The following POLQ variants were observed in gnomAD, a reference collection of about 807,000 sequenced individuals.
POLQ encodes the protein DNA polymerase theta.
POLQ carries 233 observed loss-of-function variants against 259.2 expected under a neutral mutation model. The ratio of observed to expected loss-of-function variants is 0.90; its 90% CI spans 0.81 to 1.00. The LOEUF (loss-of-function observed/expected upper bound fraction) is 1.00, where lower values mean the gene tolerates loss of function less well. POLQ is among the 50% of genes least tolerant of loss of function. The probability of loss-of-function intolerance (pLI) is 0.00; values close to 1 mark genes in which losing one functional copy is unlikely to be tolerated. For synonymous variants in POLQ, 1,025 were observed against 1,048.8 expected (o/e 0.98, Z 0.44); for missense variants, 2,871 against 3,051.6 (o/e 0.94, Z 1.39).
At position 121,487,523 on chromosome 3, in the gene POLQ, C is replaced by T. The variant is rs192758267; in HGVS notation, c.5408G>A (p.Ser1803Asn). 5.5e-5 allele frequency: 89 copies of T among 1,614,052 alleles called. No individual in the cohort carries two copies. The highest frequency in any genetic ancestry group is 4.7e-4 in the Admixed American group (28 of 60,012). The change falls in exon 16 of 30, where the codon AGC (serine) becomes AAC (asparagine). Residue 1803 changes from serine (S) to asparagine (N), a missense_variant. Coordinates refer to ENST00000264233, the MANE Select transcript of POLQ (RefSeq NM_199420.4). The stretch of plus-strand genomic sequence containing the variant: ...ATCCTGTGATAACTGAAGTGAAAAG[C>T]TTGTGTCACTAATAGGGCTGTTGTC... The part of the protein sequence containing the change: ...FKDNSPISDT[S>N]FSLQLSQDGL...
rs745872649 is a variant in POLQ at position 121,545,948 on chromosome 3, T to G, written c.-71A>C. Reference sequence around the variant, plus strand: ...CCTCCCTCTCGGGAGAACCCTGGCCTGGCAACAGCTGCGGACATCTTCCCG... The same window carrying G: ...CCTCCCTCTCGGGAGAACCCTGGCCGGGCAACAGCTGCGGACATCTTCCCG... On this transcript the variant is annotated 5_prime_UTR_variant, in exon 1 of 30. Coordinates refer to ENST00000264233, the MANE Select transcript of POLQ (RefSeq NM_199420.4). 6.5e-7 allele frequency: 1 copy of G among 1,536,968 alleles called. No individual in the cohort carries two copies. Among genetic ancestry groups the G allele is most frequent in the Non-Finnish European group, 8.9e-7 (1 of 1,127,150 alleles).
rs935594013 is a variant in POLQ, at chr3:121,499,615, C to T, written c.1960-945G>A. ...TCAATATTCTAACTGTAGGTACAAT[C>T]TTAAGTATTCTGAGTAATTTTCAAG... On this transcript the variant is annotated intron_variant, in intron 12 of 29. Transcript: ENST00000264233. 1.3e-5 allele frequency among the ~76,000 whole-genome samples: 2 copies of T among 152,094 alleles called. 1 individual carries two copies. Among genetic ancestry groups the T allele is most frequent in the South Asian group, 4.2e-4 (2 of 4,812 alleles).
chr3:121,447,258 C>A (rs904657489), intron 26 of POLQ, among the ~76,000 whole-genome samples: 2 of 151,036 alleles, frequency 1.3e-5, no homozygotes, highest in African/African-American at 4.9e-5. Context: ...GCAACCTCCG[C>A]CTCCTGGGTT....
At chr3:121,497,424 A>G (rs1482034132) in intron 13 of POLQ, among the ~76,000 whole-genome samples, 2 of 152,148 alleles carry the variant, frequency 1.3e-5, no homozygotes, top group Non-Finnish European at 2.9e-5. Context: ...TTTTTTAAGA[A>G]AAATCATTTC....
intron 27 of POLQ, among the ~76,000 whole-genome samples, chr3:121,439,248 A>T (rs1399079560): frequency 1.3e-5 from 2 of 150,760 alleles, no homozygotes; most frequent in Non-Finnish European, 3.0e-5. Context: ...TTTTTTAATT[A>T]AACATAGGGT....
At position 121,436,806 on chromosome 3, in the gene POLQ, C is replaced by T. The variant is rs116112176; in HGVS notation, c.7390-531G>A. 3.2e-3 allele frequency among the ~76,000 whole-genome samples: 480 copies of T among 151,528 alleles called. 8 individuals are homozygous for T. The highest frequency in any genetic ancestry group is 0.011 in the African/African-American group (454 of 41,252). On this transcript the variant is annotated intron_variant, in intron 27 of 29. Transcript: ENST00000264233. Reference sequence around the variant, plus strand: ...TGGGCTGCTGAGGCAAATCCTTAGCCGCTAGTGAAAACGCACATCCTAGAT... The same window carrying T: ...TGGGCTGCTGAGGCAAATCCTTAGCTGCTAGTGAAAACGCACATCCTAGAT...
chr3:121,518,497 A>C (rs1316228698), intron 9 of POLQ, among the ~76,000 whole-genome samples: 2 of 152,232 alleles, frequency 1.3e-5, no homozygotes, highest in Non-Finnish European at 1.5e-5. Context: ...AGATCTGCAT[A>C]TGTCCACAAA....
chr3:121,451,800 T>C (rs1037879233), intron 25 of POLQ, among the ~76,000 whole-genome samples: 1 of 152,222 alleles, frequency 6.6e-6, no homozygotes, highest in East Asian at 1.9e-4. Context: ...GGAGAACCAC[T>C]ACTCTCTTCA....
At chr3:121,470,074 G>A (rs2047871101) in intron 22 of POLQ, among the ~76,000 whole-genome samples, 1 of 152,114 alleles carries the variant, frequency 6.6e-6, no homozygotes, top group African/African-American at 2.4e-5. Flanking sequence ...GGAGGCTGAG[G>A]TGGGTGGATC....
At chr3:121,433,303 A>G (rs1287707366) in intron 28 of POLQ, among the ~76,000 whole-genome samples, 1 of 152,162 alleles carries the variant, frequency 6.6e-6, no homozygotes, top group Non-Finnish European at 1.5e-5. Context: ...AGTCCAACTT[A>G]TTTCTCATGA....
rs746567285 is a variant in POLQ at position 121,476,526 on chromosome 3, C to T, written c.6405+14G>A. 1 of 1,592,942 alleles carries T rather than the reference C, an allele frequency of 6.3e-7. No homozygotes were observed. Among genetic ancestry groups the T allele is most frequent in the South Asian group, 1.1e-5 (1 of 89,816 alleles). On this transcript the variant is annotated intron_variant, in intron 20 of 29. Transcript: ENST00000264233. ...AAAAATTATGTATCTATATCCCTAGCCCCATGATACAACCTCAGCGATGTC... is the reference window on the plus strand; with the variant it reads ...AAAAATTATGTATCTATATCCCTAGTCCCATGATACAACCTCAGCGATGTC...
intron 2 of POLQ, among the ~76,000 whole-genome samples, chr3:121,543,298 T>C (rs2048503658): frequency 6.6e-6 from 1 of 152,214 alleles, no homozygotes; most frequent in African/African-American, 2.4e-5. Context: ...AGTATTTTAT[T>C]TTTTGTAATG....
chr3:121,535,715 C>CAAAAAAA (rs34317903), intron 5 of POLQ, among the ~76,000 whole-genome samples: 1 of 107,408 alleles, frequency 9.3e-6, no homozygotes, highest in Non-Finnish European at 1.8e-5. Flanking sequence ...AACTCCATCT[C>CAAAAAAA]AAAAAAAAAA....
chr3:121,545,958 T>A lies in POLQ; in HGVS notation c.-81A>T, dbSNP rs749048338. The A allele has an allele frequency of 6.7e-7, 1 of 1,486,486 alleles. No homozygotes were observed. The highest frequency in any genetic ancestry group is 9.2e-7 in the Non-Finnish European group (1 of 1,089,062). 92.1% of individuals were successfully genotyped at this position (1,486,486 alleles called of 1,614,324 possible). ...GGGAGAACCCTGGCCTGGCAACAGC[T>A]GCGGACATCTTCCCGCCAGTCTTCA... On this transcript the variant is annotated 5_prime_UTR_variant, in exon 1 of 30. Coordinates refer to ENST00000264233, the MANE Select transcript of POLQ (RefSeq NM_199420.4).
chr3:121,526,713 T>C (rs1465013276), intron 7 of POLQ, among the ~76,000 whole-genome samples: 1 of 152,196 alleles, frequency 6.6e-6, no homozygotes, highest in Admixed American at 6.5e-5. Flanking sequence ...AATCCACATA[T>C]AAACCTCTTT....
At chr3:121,541,235 C>G in intron 3 of POLQ, 114 bp downstream of exon 3, 1 of 926,024 alleles carries the variant, frequency 1.1e-6, no homozygotes. Context: ...CTACATAGGG[C>G]ACAATGAAGA....
At chr3:121,448,007 T>C (rs1204446293) in intron 26 of POLQ, among the ~76,000 whole-genome samples, 1 of 152,092 alleles carries the variant, frequency 6.6e-6, no homozygotes, top group Non-Finnish European at 1.5e-5. Context: ...GCAGTCTTCT[T>C]TGGGTTAAAT....
intron 8 of POLQ, among the ~76,000 whole-genome samples, chr3:121,521,184 T>C (rs1259237144): frequency 6.6e-6 from 1 of 152,180 alleles, no homozygotes; most frequent in East Asian, 1.9e-4. Context: ...ACTCATAAGT[T>C]TTAAATTGCA....
chr3:121,520,124 G>A (rs769913402), intron 8 of POLQ, 41 bp from the exon 9 acceptor site: 29 of 1,131,572 alleles, frequency 2.6e-5, no homozygotes, highest in Admixed American at 5.4e-5. Flanking sequence ...GATATATAAC[G>A]AAAATATTAT....
Sources: gnomAD v4.1 joint callset for allele counts (sites outside exome capture counted in the v4.1 genomes callset) on GRCh38, gnomAD v4.1.1 for gene constraint, MANE v1.5 for transcripts, NCBI Gene and HGNC (gene_info 2026-07-23, HGNC 2026-07-21) for gene names.